The following NIM1K variants were observed in gnomAD, a reference collection of about 807,000 sequenced individuals.
The protein encoded by NIM1K is serine/threonine-protein kinase NIM1.
A neutral mutation model predicts 37.1 loss-of-function variants in NIM1K; 35 were observed. The ratio of observed to expected loss-of-function variants is 0.94; its 90% CI spans 0.72 to 1.25. The LOEUF (loss-of-function observed/expected upper bound fraction) is 1.25. Among genes scored for constraint, NIM1K ranks in the 50% most tolerant of loss-of-function variants. The probability of loss-of-function intolerance (pLI) is 0.00; values close to 1 mark genes in which losing one functional copy is unlikely to be tolerated. For missense variants in NIM1K, 564 were observed against 548.0 expected (o/e 1.03, Z -0.29); for synonymous variants, 234 against 206.6 (o/e 1.13, Z -1.14).
rs72752601 is a variant in NIM1K, at chr5:43,245,255, G to A, written c.-521G>A. On this transcript the variant is annotated 5_prime_UTR_variant, in exon 2 of 4. Transcript: ENST00000326035. ...GGGTCCAGATTATTAGGTCTCCAGC[G>A]CCCTGCAGCTTGACAGAAAGAGAAG... 0.072 allele frequency: 11,026 copies of A among 152,332 alleles called. 838 individuals carry two copies. Among genetic ancestry groups the A allele is most frequent in the African/African-American group, 0.2 (8,208 of 41,474 alleles). 9.4% of individuals were successfully genotyped at this position (152,332 alleles called of 1,614,324 possible).
chr5:43,213,181 CT>C (rs367865935), intron 1 of NIM1K, among the ~76,000 whole-genome samples: 1 of 71,160 alleles, frequency 1.4e-5, no homozygotes, highest in Non-Finnish European at 3.3e-5. Flanking sequence ...TTCTTTCTTT[CT>C]TTCTTTCTTT....
Position 43,280,673 on chromosome 5 carries a change from G to C in NIM1K, c.1255G>C (p.Gly419Arg). The C allele has an allele frequency of 6.2e-7, 1 of 1,613,356 alleles. No homozygotes were observed. Among genetic ancestry groups the C allele is most frequent in the Non-Finnish European group, 8.5e-7 (1 of 1,179,866 alleles). ...PDPKERDLKK[G>R]SRVYRGIRHT... ...CCCTAAAGAAAGAGACCTCAAAAAA[G>C]GGTCCCGTGTCTACAGAGGGATAAG... The change falls in exon 4 of 4, where the codon GGG becomes CGG. Residue 419 changes from glycine (G) to arginine (R), a missense_variant. Physicochemically the swap from Gly to Arg is moderately radical, Grantham distance 125 (BLOSUM62 -2). Coordinates refer to ENST00000326035, the MANE Select transcript of NIM1K (RefSeq NM_153361.4).
intron 1 of NIM1K, among the ~76,000 whole-genome samples, chr5:43,223,112 C>T (rs545385120): frequency 2.1e-5 from 3 of 142,612 alleles, no homozygotes; most frequent in South Asian, 2.3e-4. Context: ...GCACTCCAGC[C>T]GTGGCAACAG....
rs374952574 is a variant in NIM1K, at chr5:43,280,404, C to T, written c.986C>T (p.Pro329Leu). ...AATGATGAATGGATGCAAGGGGTGC[C>T]ATACCCTACACCTTTGGAACCTTTC... ...IMNDEWMQGVPYPTPLEPFQL... is the reference protein window; with the variant it reads ...IMNDEWMQGVLYPTPLEPFQL... Residue 329 changes from proline (P) to leucine (L), a missense_variant, in exon 4 of 4, where the codon CCA becomes CTA. By Grantham distance (98) the Pro-to-Leu change is moderately conservative (BLOSUM62 -3). Coordinates refer to ENST00000326035, the MANE Select transcript of NIM1K (RefSeq NM_153361.4). The T allele has an allele frequency of 5.6e-6, 9 of 1,614,026 alleles. No homozygotes were observed. Among genetic ancestry groups the T allele is most frequent in the Non-Finnish European group, 5.1e-6 (6 of 1,180,026 alleles).
rs554338810 is a variant in NIM1K at position 43,277,868 on chromosome 5, T to C, written c.561+543T>C. On this transcript the variant is annotated intron_variant, in intron 3 of 3. Coordinates refer to ENST00000326035, the MANE Select transcript of NIM1K (RefSeq NM_153361.4). ...ATGTTCTTCAATCTCACATCAGTTA[T>C]ACTGATATTTTGCCTTCAGTAAGAT... Among the ~76,000 whole-genome samples, 56 of 151,710 alleles carry C rather than the reference T, an allele frequency of 3.7e-4. 1 individual carries two copies. The highest frequency in any genetic ancestry group is 1.3e-3 in the African/African-American group (55 of 41,346).
At chr5:43,223,202 A>G (rs1752406663) in intron 1 of NIM1K, among the ~76,000 whole-genome samples, 1 of 151,784 alleles carries the variant, frequency 6.6e-6, no homozygotes, top group Non-Finnish European at 1.5e-5. Context: ...ACTATATAGC[A>G]CACAGTGGTG....
intron 2 of NIM1K, among the ~76,000 whole-genome samples, chr5:43,247,087 C>G (rs10062177): frequency 0.084 from 12,733 of 152,040 alleles, 1,158 homozygotes; most frequent in African/African-American, 0.24. Context: ...CCATGCCCCT[C>G]CAATCCCTGT....
intron 1 of NIM1K, chr5:43,225,524 G>A (rs771667191): frequency 6.6e-5 from 10 of 152,166 alleles, no homozygotes; most frequent in Non-Finnish European, 1.2e-4. Flanking sequence ...AGGTTTTGAA[G>A]GTGGGACCTT....
At chr5:43,216,593 T>G (rs1432924894) in intron 1 of NIM1K, among the ~76,000 whole-genome samples, 3 of 152,212 alleles carry the variant, frequency 2.0e-5, no homozygotes, top group Non-Finnish European at 2.9e-5. Context: ...TCATGTAAAC[T>G]TTTTGTCCTT....
chr5:43,229,536 A>G (rs1209672864), intron 1 of NIM1K, among the ~76,000 whole-genome samples: 2 of 152,140 alleles, frequency 1.3e-5, no homozygotes, highest in Admixed American at 6.6e-5. Flanking sequence ...TTTATAGGCT[A>G]TACAGATAGA....
At chr5:43,247,657 C>T (rs1397993635) in intron 2 of NIM1K, among the ~76,000 whole-genome samples, 1 of 152,178 alleles carries the variant, frequency 6.6e-6, no homozygotes, top group East Asian at 1.9e-4. Context: ...TGAAAACTCT[C>T]CAGGTGATTC....
At chr5:43,232,296 T>C in intron 1 of NIM1K, 1 of 1,180,158 alleles carries the variant, frequency 8.5e-7, no homozygotes, top group South Asian at 1.2e-5. Context: ...AAGCAAGCAC[T>C]GGCAGTCTCT....
chr5:43,218,174 C>T (rs753216208), intron 1 of NIM1K, among the ~76,000 whole-genome samples: 3 of 151,940 alleles, frequency 2.0e-5, no homozygotes, highest in Non-Finnish European at 2.9e-5. Flanking sequence ...CCATGCCCGG[C>T]TAATTTTTGT....
Position 43,245,828 on chromosome 5 carries a change from G to C in NIM1K, c.53G>C (p.Arg18Pro). The C allele has an allele frequency of 1.2e-6, 2 of 1,613,522 alleles. No homozygotes were observed. The change falls in exon 2 of 4, where the codon CGG (arginine) becomes CCG (proline). Residue 18 changes from arginine to proline, a missense_variant. Coordinates refer to ENST00000326035, the MANE Select transcript of NIM1K (RefSeq NM_153361.4). The stretch of plus-strand genomic sequence containing the variant: ...GGCCTGGTGAACCCCCACTATGCCC[G>C]GTGGGATCGGCGCGACAGTGTAGAA... ...GGGLVNPHYARWDRRDSVESG... is the reference protein window; with the variant it reads ...GGGLVNPHYAPWDRRDSVESG...
chr5:43,279,928 T>C, intron 3 of NIM1K, 52 bp from the exon 4 acceptor site: 18 of 1,452,362 alleles, frequency 1.2e-5, no homozygotes, highest in Non-Finnish European at 1.7e-5. Flanking sequence ...ATACATTTTT[T>C]ATTTTGACAT....
intron 2 of NIM1K, among the ~76,000 whole-genome samples, chr5:43,265,886 G>A (rs905696924): frequency 7.9e-5 from 12 of 152,216 alleles, no homozygotes; most frequent in Admixed American, 7.9e-4. Context: ...TTTGCTGGAG[G>A]TCCACTTCAG....
At chr5:43,219,081 C>T (rs1752347505) in intron 1 of NIM1K, among the ~76,000 whole-genome samples, 1 of 152,162 alleles carries the variant, frequency 6.6e-6, no homozygotes, top group Non-Finnish European at 1.5e-5. Flanking sequence ...CTCCTTGCTG[C>T]TATCATGTGA....
At chr5:43,204,808 A>G (rs2112207855) in intron 1 of NIM1K, among the ~76,000 whole-genome samples, 1 of 152,110 alleles carries the variant, frequency 6.6e-6, no homozygotes, top group East Asian at 1.9e-4. Context: ...GGAGTTTAAA[A>G]CCAATGTAAG....
Position 43,277,335 on chromosome 5 carries a change from G to A in NIM1K, c.561+10G>A, listed in dbSNP as rs1041959211. On this transcript the variant is annotated intron_variant, in intron 3 of 3. Coordinates refer to ENST00000326035, the MANE Select transcript of NIM1K (RefSeq NM_153361.4). ...TGCCGTGAAGCACATGGTGAGCAGG[G>A]GTGACGAGTGAGAACCTTGCTCCCA... 8.1e-5 allele frequency: 131 copies of A among 1,610,962 alleles called. No homozygotes were observed. The highest frequency in any genetic ancestry group is 1.0e-4 in the Non-Finnish European group (119 of 1,178,564).
Sources: gnomAD v4.1 joint callset for allele counts (sites outside exome capture counted in the v4.1 genomes callset) on GRCh38, gnomAD v4.1.1 for gene constraint, MANE v1.5 for transcripts, NCBI Gene and HGNC (gene_info 2026-07-23, HGNC 2026-07-21) for gene names.